COL24A1: variants seen among roughly 807,000 people sequenced by gnomAD.
COL24A1 encodes collagen alpha-1(XXIV) chain.
A neutral mutation model predicts 253.9 loss-of-function variants in COL24A1; 224 were observed. The observed-to-expected ratio is 0.88, with a 90% CI of 0.79 to 0.99. The LOEUF is 0.99. Ranked by LOEUF, COL24A1 falls within the 50% of genes least tolerant of loss-of-function variation. COL24A1 has a pLI of 0.00. For synonymous variants in COL24A1, 685 were observed against 673.7 expected, an observed-to-expected ratio of 1.02 and a Z score of -0.26; for missense variants, 2,131 against 2,068.5, an observed-to-expected ratio of 1.03 and a Z score of -0.59.
chr1:86,008,708 A>T (rs1696204644), intron 19 of COL24A1, among the ~76,000 whole-genome samples: 1 of 152,174 alleles, frequency 6.6e-6, no homozygotes, highest in Admixed American at 6.6e-5. Context: ...AATGATCTCT[A>T]TTTGAAAATT....
chr1:86,112,318 G>C (rs1705698520), intron 5 of COL24A1, among the ~76,000 whole-genome samples: 1 of 152,006 alleles, frequency 6.6e-6, no homozygotes, highest in Non-Finnish European at 1.5e-5. Flanking sequence ...TGATAACAAT[G>C]ATTTTGGAAT....
At chr1:86,138,986 G>A (rs750845801) in intron 2 of COL24A1, among the ~76,000 whole-genome samples, 1 of 151,436 alleles carries the variant, frequency 6.6e-6, no homozygotes, top group Non-Finnish European at 1.5e-5. Flanking sequence ...TTGTTGTTTC[G>A]TTAAACACTG....
chr1:85,987,177 C>T (rs1281267760), intron 20 of COL24A1, among the ~76,000 whole-genome samples: 2 of 151,870 alleles, frequency 1.3e-5, no homozygotes, highest in Admixed American at 6.6e-5. Context: ...GTTAAAAATG[C>T]TTGGGTTTCT....
rs186070861 is a variant in COL24A1, at chr1:86,120,566, T to G, written c.1491+4279A>C. ...ATGCTCATCATCACTGGTCATCAGA[T>G]AAATGCAAATCAAAACCACAATGAG... On this transcript the variant is annotated intron_variant, in intron 3 of 59. Transcript: ENST00000370571. Among the ~76,000 whole-genome samples the G allele has an allele frequency of 1.1e-3, 172 of 152,242 alleles. No homozygotes were observed. The Middle Eastern group carries it at 0.024, about 21-fold the overall frequency.
intron 5 of COL24A1, among the ~76,000 whole-genome samples, chr1:86,104,499 T>G (rs1332164528): frequency 6.6e-6 from 1 of 152,240 alleles, no homozygotes; most frequent in Non-Finnish European, 1.5e-5. Flanking sequence ...TTCTCATCTT[T>G]GTGGGCTGAT....
chr1:86,067,314 A>G (rs1701571370), intron 7 of COL24A1, among the ~76,000 whole-genome samples: 1 of 152,188 alleles, frequency 6.6e-6, no homozygotes, highest in Non-Finnish European at 1.5e-5. Flanking sequence ...GTAGGAGGCT[A>G]GTATGACAGT....
intron 7 of COL24A1, among the ~76,000 whole-genome samples, chr1:86,078,300 T>A (rs1231308390): frequency 6.6e-6 from 1 of 152,150 alleles, no homozygotes; most frequent in African/African-American, 2.4e-5. Flanking sequence ...AAACGGAATA[T>A]ACCTTTTCAT....
intron 2 of COL24A1, among the ~76,000 whole-genome samples, chr1:86,142,465 G>A (rs1651258290): frequency 6.6e-6 from 1 of 151,242 alleles, no homozygotes; most frequent in African/African-American, 2.4e-5. Context: ...AGAGCTTGCA[G>A]TGAGCCGAGA....
At chr1:86,099,696 C>T (rs1459145466) in intron 5 of COL24A1, among the ~76,000 whole-genome samples, 1 of 152,134 alleles carries the variant, frequency 6.6e-6, no homozygotes, top group Non-Finnish European at 1.5e-5. Flanking sequence ...GACCACTTCT[C>T]ACCACCTCAA....
chr1:85,908,401 T>C (rs1051035924), intron 27 of COL24A1, among the ~76,000 whole-genome samples, 197 bp downstream of exon 27: 1 of 151,756 alleles, frequency 6.6e-6, no homozygotes, highest in African/African-American at 2.4e-5. Flanking sequence ...AAATTGATTG[T>C]ATACCAAGTA....
intron 52 of COL24A1, among the ~76,000 whole-genome samples, chr1:85,777,203 C>T (rs546813949): frequency 1.3e-3 from 204 of 152,144 alleles, no homozygotes; most frequent in African/African-American, 4.6e-3. Context: ...CCGCCTCAGC[C>T]TCCCAAAGTG....
rs773585472 is a variant in COL24A1 at position 85,935,957 on chromosome 1, C to T, written c.2563-24524G>A. Among the ~76,000 whole-genome samples, 12 of 147,408 alleles carry T rather than the reference C, an allele frequency of 8.1e-5. 2 individuals are homozygous for T. The highest frequency in any genetic ancestry group is 7.5e-5 in the African/African-American group (3 of 40,184). On this transcript the variant is annotated intron_variant, in intron 24 of 59. Transcript: ENST00000370571. The stretch of plus-strand genomic sequence containing the variant: ...GCCTATATCCAAAGCCTGATTAAGG[C>T]GGGGTATAAAAGTCTGGCCATTTGG...
intron 5 of COL24A1, among the ~76,000 whole-genome samples, chr1:86,110,819 C>T (rs187981133): frequency 1.3e-5 from 2 of 151,924 alleles, no homozygotes; most frequent in East Asian, 1.9e-4. Flanking sequence ...ATGCCCGACC[C>T]CCGCCCCCCA....
At position 86,112,073 on chromosome 1, in the gene COL24A1, T is replaced by A. The variant is rs1273668687; in HGVS notation, c.1599+494A>T. 1.3e-5 allele frequency among the ~76,000 whole-genome samples: 2 copies of A among 152,204 alleles called. 1 individual carries two copies. Among genetic ancestry groups the A allele is most frequent in the African/African-American group, 4.8e-5 (2 of 41,440 alleles). ...GGACACAATATGACTATCATACAAC[T>A]ATGTACGCTCATATATATAGATTTT... On this transcript the variant is annotated intron_variant, in intron 5 of 59. Coordinates refer to ENST00000370571, the MANE Select transcript of COL24A1 (RefSeq NM_152890.7).
chr1:85,849,543 G>T, intron 37 of COL24A1, 137 bp from the exon 38 acceptor site: 2 of 686,138 alleles, frequency 2.9e-6, no homozygotes, highest in South Asian at 1.9e-5. Context: ...ACATTATTAG[G>T]TTTGTATCAT....
chr1:85,879,363 T>C (rs952203474), intron 32 of COL24A1, among the ~76,000 whole-genome samples: 4 of 152,176 alleles, frequency 2.6e-5, no homozygotes, highest in African/African-American at 9.7e-5. Context: ...GACTATCCAT[T>C]GTATTGCCTT....
intron 37 of COL24A1, among the ~76,000 whole-genome samples, chr1:85,866,188 G>A (rs529450451): frequency 1.1e-3 from 169 of 152,206 alleles, no homozygotes; most frequent in Non-Finnish European, 1.8e-3. Context: ...ACTTGAACCC[G>A]GGAGGCAGAG....
At chr1:86,130,933 C>A (rs963941781) in intron 2 of COL24A1, among the ~76,000 whole-genome samples, 1 of 152,000 alleles carries the variant, frequency 6.6e-6, no homozygotes, top group African/African-American at 2.4e-5. Context: ...AGTTTATCCT[C>A]TATTAGTTTC....
At position 86,125,624 on chromosome 1, in the gene COL24A1, CATATCTGCAGTAGTCTGCAGAT is replaced by C; in HGVS notation, c.690_711del (p.Ser231Ter). The C allele has an allele frequency of 2.5e-6, 4 of 1,613,206 alleles. No homozygotes were observed. The highest frequency in any genetic ancestry group is 3.4e-6 in the Non-Finnish European group (4 of 1,179,532). On this transcript the variant is annotated frameshift_variant, in exon 3 of 60. Coordinates refer to ENST00000370571, the MANE Select transcript of COL24A1 (RefSeq NM_152890.7). LOFTEE classifies it high-confidence loss of function. ...TCTGCTTGGCGACACTGCTGTTTCACATATCTGCAGTAGTCTGCAGATGCTTCTGCAGAAGGAATAATATCTA... is the reference window on the plus strand; with the variant it reads ...TCTGCTTGGCGACACTGCTGTTTCACGCTTCTGCAGAAGGAATAATATCTA...
Sources: gnomAD v4.1 joint callset for allele counts (sites outside exome capture counted in the v4.1 genomes callset) on GRCh38, gnomAD v4.1.1 for gene constraint, MANE v1.5 for transcripts, NCBI Gene and HGNC (gene_info 2026-07-23, HGNC 2026-07-21) for gene names.